QDPR: variants seen among roughly 807,000 people sequenced by gnomAD.
QDPR encodes the protein quinoid dihydropteridine reductase, also known as dihydropteridine reductase.
A neutral mutation model predicts 31.7 loss-of-function variants in QDPR; 23 were observed. The observed-to-expected ratio is 0.73, with a 90% CI of 0.52 to 1.03. The LOEUF (loss-of-function observed/expected upper bound fraction) is 1.03, where lower values mean the gene tolerates loss of function less well. Among genes scored for constraint, QDPR ranks in the 50% least tolerant of loss-of-function variants. The pLI is 0.00. For missense variants in QDPR, 324 were observed against 323.8 expected (o/e 1.00, Z 0.00); for synonymous variants, 124 against 124.7 (o/e 0.99, Z 0.03).
At chr4:17,499,678 G>A (rs780291530) in intron 4 of QDPR, among the ~76,000 whole-genome samples, 9 of 152,176 alleles carry the variant, frequency 5.9e-5, no homozygotes, top group Admixed American at 1.3e-4. Context: ...TCAGTGCTCC[G>A]GGAGGCCAAG....
chr4:17,509,076 T>G (rs1718900067), intron 2 of QDPR, among the ~76,000 whole-genome samples, 195 bp downstream of exon 2: 1 of 152,008 alleles, frequency 6.6e-6, no homozygotes, highest in Non-Finnish European at 1.5e-5. Context: ...GAGAATTGCT[T>G]CAACCCAGGA....
chr4:17,499,814 G>C (rs1452031896), intron 4 of QDPR, among the ~76,000 whole-genome samples: 1 of 152,148 alleles, frequency 6.6e-6, no homozygotes, highest in Non-Finnish European at 1.5e-5. Context: ...CAGCTACTCA[G>C]GAGGCCGAGG....
chr4:17,495,464 G>C (rs1232092653), intron 4 of QDPR, among the ~76,000 whole-genome samples: 1 of 152,238 alleles, frequency 6.6e-6, no homozygotes, highest in African/African-American at 2.4e-5. Context: ...TTCGAGGCCA[G>C]GGGTTGGAAC....
intron 4 of QDPR, 126 bp from the exon 5 acceptor site, chr4:17,492,466 T>A: frequency 1.3e-6 from 1 of 791,118 alleles, no homozygotes; most frequent in Non-Finnish European, 2.1e-6. Context: ...GGCCTCCTCC[T>A]TCAGGTCAGA....
chr4:17,505,548 A>G (rs1362165782), intron 2 of QDPR, among the ~76,000 whole-genome samples: 1 of 152,168 alleles, frequency 6.6e-6, no homozygotes, highest in African/African-American at 2.4e-5. Flanking sequence ...CGCCTGGCCC[A>G]ATCTTCTTAA....
chr4:17,503,561 G>A (rs1176594014), intron 3 of QDPR, among the ~76,000 whole-genome samples: 1 of 152,232 alleles, frequency 6.6e-6, no homozygotes, highest in Non-Finnish European at 1.5e-5. Flanking sequence ...TACAGCAAAT[G>A]TTAACAGTTA....
chr4:17,486,861 C>CT lies in QDPR; in HGVS notation c.*269_*270insA. On this transcript the variant is annotated 3_prime_UTR_variant, in exon 7 of 7. Coordinates refer to ENST00000281243, the MANE Select transcript of QDPR (RefSeq NM_000320.3). ...TCACAAAAGCGATCCAACATGACAC[C>CT]GCTATAGCAGGTGCTATGCAGAGCC... 2.1e-6 allele frequency: 1 copy of CT among 483,548 alleles called. No individual in the cohort carries two copies. Among genetic ancestry groups the CT allele is most frequent in the Non-Finnish European group, 3.8e-6 (1 of 265,868 alleles). The allele number at this position is 483,548 out of a possible 1,614,324, so 30.0% of individuals were successfully genotyped here.
At position 17,496,020 on chromosome 4, in the gene QDPR, G is replaced by T. The variant is rs528282361; in HGVS notation, c.437-3680C>A. On this transcript the variant is annotated intron_variant, in intron 4 of 6. Transcript: ENST00000281243. ...AGCCAGACCATATCTCCAAAAAAAA[G>T]GAAAATAAATAAATAAATAAATAAA... Among the ~76,000 whole-genome samples, 64 of 147,350 alleles carry T rather than the reference G, an allele frequency of 4.3e-4. No homozygotes were observed. The East Asian group carries it at 0.014, about 33-fold the overall frequency.
At chr4:17,503,899 C>T (rs1388831520) in intron 3 of QDPR, among the ~76,000 whole-genome samples, 1 of 151,180 alleles carries the variant, frequency 6.6e-6, no homozygotes, top group Non-Finnish European at 1.5e-5. Context: ...TGCAGTGAGC[C>T]GAGATTACAC....
rs140715065 is a variant in QDPR at position 17,508,320 on chromosome 4, T to C, written c.198+951A>G. 1.9e-3 allele frequency among the ~76,000 whole-genome samples: 294 copies of C among 152,296 alleles called. 3 individuals carry two copies. The highest frequency in any genetic ancestry group is 6.7e-3 in the African/African-American group (277 of 41,564). On this transcript the variant is annotated intron_variant, in intron 2 of 6. Transcript: ENST00000281243. ...TGGGCATTGGGGTGCATGCCTGTAA[T>C]CCCAGCTACTCAGGAGACTGAGGCA...
intron 4 of QDPR, among the ~76,000 whole-genome samples, chr4:17,493,795 G>A (rs909546981): frequency 1.3e-5 from 2 of 152,084 alleles, no homozygotes; most frequent in Non-Finnish European, 1.5e-5. Flanking sequence ...CCAGGAGGTC[G>A]GTAGGTGGAG....
chr4:17,509,325 G>A lies in QDPR; in HGVS notation c.144C>T (p.Ala48=), dbSNP rs751488886. The A allele has an allele frequency of 9.9e-6, 16 of 1,614,010 alleles. No homozygotes were observed. The highest frequency in any genetic ancestry group is 1.4e-5 in the Non-Finnish European group (16 of 1,179,946). The change falls in exon 2 of 7, where the codon GCC becomes GCT. Residue 48 remains alanine (A), a synonymous_variant. Transcript: ENST00000281243. ...TCATTTTAACAATGATGCTAGCGCT[G>A]GCCTCTTCATTCTCCACCACATCAA... is the stretch of plus-strand genomic sequence containing the variant. ...ASVDVVENEE[A]SASIIVKMTD...
intron 6 of QDPR, 139 bp downstream of exon 6, chr4:17,490,523 G>A (rs193062245): frequency 1.3e-5 from 9 of 694,614 alleles, no homozygotes; most frequent in African/African-American, 7.1e-5. Context: ...GATGTGCAAT[G>A]CATCCTCAGA....
chr4:17,487,507 G>T (rs186438698), intron 6 of QDPR, among the ~76,000 whole-genome samples: 1 of 151,654 alleles, frequency 6.6e-6, no homozygotes, highest in Non-Finnish European at 1.5e-5. Flanking sequence ...AAAATTGGCC[G>T]TGGTAGCACG....
chr4:17,501,350 C>T (rs1577191364), intron 4 of QDPR, among the ~76,000 whole-genome samples: 1 of 152,184 alleles, frequency 6.6e-6, no homozygotes, highest in South Asian at 2.1e-4. Flanking sequence ...TAAACTTATG[C>T]TATTTCCAGC....
chr4:17,499,919 AAAC>A (rs1332571703), intron 4 of QDPR, among the ~76,000 whole-genome samples: 1 of 152,092 alleles, frequency 6.6e-6, no homozygotes, highest in Non-Finnish European at 1.5e-5. Context: ...CTAAAAAAAT[AAAC>A]AACTGAGAAG....
At position 17,512,071 on chromosome 4, in the gene QDPR, C is replaced by T. The variant is rs560782260; in HGVS notation, c.-17G>A. On this transcript the variant is annotated 5_prime_UTR_variant, in exon 1 of 7. Transcript: ENST00000281243. ...CGCCGCCATCCTGCTCCTGCCAGCC[C>T]GGCTCCCGCAGCTCCGAATGCCTCG... The T allele has an allele frequency of 7.6e-6, 12 of 1,574,972 alleles. No individual in the cohort carries two copies. In the Middle Eastern group the frequency reaches 5.4e-4, roughly 71 times the overall value.
chr4:17,502,897 A>G (rs1718621249), intron 3 of QDPR, among the ~76,000 whole-genome samples: 1 of 152,256 alleles, frequency 6.6e-6, no homozygotes, highest in African/African-American at 2.4e-5. Context: ...CAAACAGAAA[A>G]AAAGTACCTT....
intron 4 of QDPR, among the ~76,000 whole-genome samples, chr4:17,501,102 C>T (rs2108992622): frequency 6.6e-6 from 1 of 152,332 alleles, no homozygotes; most frequent in East Asian, 1.9e-4. Context: ...AAGGAAACTA[C>T]AGTAGACATC....
Sources: gnomAD v4.1 joint callset for allele counts (sites outside exome capture counted in the v4.1 genomes callset) on GRCh38, gnomAD v4.1.1 for gene constraint, MANE v1.5 for transcripts, NCBI Gene and HGNC (gene_info 2026-07-23, HGNC 2026-07-21) for gene names.